IL6ST: variants seen among roughly 807,000 people sequenced by gnomAD.
IL6ST encodes interleukin 6 cytokine family signal transducer.
Under a neutral mutation model 91.3 loss-of-function variants are expected in IL6ST, and 24 were observed. That is an observed-to-expected ratio of 0.26 (90% CI 0.19 to 0.37). The LOEUF is 0.37. IL6ST is among the 10% of genes least tolerant of loss of function. The pLI is 1.00. For missense variants in IL6ST, 914 were observed against 1,078.5 expected, an observed-to-expected ratio of 0.85 and a Z score of 2.14; for synonymous variants, 351 against 373.6, an observed-to-expected ratio of 0.94 and a Z score of 0.70.
At chr5:55,954,104 G>A (rs1357799394) in intron 11 of IL6ST, among the ~76,000 whole-genome samples, 1 of 152,088 alleles carries the variant, frequency 6.6e-6, no homozygotes, top group Non-Finnish European at 1.5e-5. Flanking sequence ...TATTAAAACT[G>A]TACACTAATA....
chr5:55,965,321 C>T (rs756360133), intron 5 of IL6ST, among the ~76,000 whole-genome samples: 21 of 152,050 alleles, frequency 1.4e-4, no homozygotes, highest in Non-Finnish European at 2.1e-4. Context: ...TTGTTGTCAA[C>T]TATGTTTTTC....
chr5:55,957,425 C>CG, intron 8 of IL6ST, 134 bp from the exon 9 acceptor site: 1 of 477,074 alleles, frequency 2.1e-6, no homozygotes. Flanking sequence ...TTTATACCAG[C>CG]ATTTTCCCAA....
intron 13 of IL6ST, 90 bp downstream of exon 13, chr5:55,951,839 T>C (rs1751651782): frequency 4.7e-6 from 4 of 852,046 alleles, no homozygotes; most frequent in South Asian, 1.8e-5. Context: ...CAATATACTA[T>C]AAGATGTATA....
intron 14 of IL6ST, chr5:55,950,044 GA>G: frequency 3.6e-6 from 1 of 274,260 alleles, no homozygotes; most frequent in African/African-American, 2.2e-5. Context: ...TGCAGTTGAA[GA>G]AAATGATGAT....
chr5:55,991,199 T>C (rs1037583963), intron 1 of IL6ST, among the ~76,000 whole-genome samples: 3 of 152,220 alleles, frequency 2.0e-5, no homozygotes, highest in Admixed American at 6.5e-5. Context: ...GCAATAAACA[T>C]ACGTGTGCAT....
Position 55,940,178 on chromosome 5 carries a change from T to C in IL6ST, c.*904A>G, listed in dbSNP as rs11574783. On this transcript the variant is annotated 3_prime_UTR_variant, in exon 17 of 17. Transcript: ENST00000381298. ...ACACACATTAGCAATTTAAGCCTTTTAACATGCCAATTTTTTAGATGCTTT... is the reference window on the plus strand; with the variant it reads ...ACACACATTAGCAATTTAAGCCTTTCAACATGCCAATTTTTTAGATGCTTT... 0.08 allele frequency: 16,616 copies of C among 206,446 alleles called. 765 individuals are homozygous for C. The highest frequency in any genetic ancestry group is 0.13 in the African/African-American group (5,511 of 43,842). The allele number at this position is 206,446 out of a possible 1,614,324, so 12.8% of individuals were successfully genotyped here.
chr5:55,957,063 CAGG>C (rs1752026135), intron 9 of IL6ST, 143 bp downstream of exon 9: 1 of 436,806 alleles, frequency 2.3e-6, no homozygotes, highest in East Asian at 5.4e-5. Flanking sequence ...GAGGCTGAGG[CAGG>C]AGAATCACTT....
At chr5:55,970,903 AAAAAC>A (rs535760912) in intron 3 of IL6ST, among the ~76,000 whole-genome samples, 8 of 152,136 alleles carry the variant, frequency 5.3e-5, no homozygotes, top group Admixed American at 2.0e-4. Context: ...CAGAGTCTCA[AAAAAC>A]AAAACAAAAC....
intron 3 of IL6ST, among the ~76,000 whole-genome samples, chr5:55,973,438 TTC>T (rs1753080940): frequency 6.6e-6 from 1 of 152,204 alleles, no homozygotes; most frequent in South Asian, 2.1e-4. Context: ...TTAGCTTTCT[TTC>T]TCTCTCCCGG....
At position 55,940,084 on chromosome 5, in the gene IL6ST, C is replaced by T. The variant is rs1442392377; in HGVS notation, c.*998G>A. 5.1e-6 allele frequency: 1 copy of T among 196,848 alleles called. No homozygotes were observed. Among genetic ancestry groups the T allele is most frequent in the African/African-American group, 2.3e-5 (1 of 43,276 alleles). 12.2% of individuals were successfully genotyped at this position (196,848 alleles called of 1,614,324 possible). On this transcript the variant is annotated 3_prime_UTR_variant, in exon 17 of 17. Coordinates refer to ENST00000381298, the MANE Select transcript of IL6ST (RefSeq NM_002184.4). ...GAAGATATATACTGTATAAAGTGTT[C>T]ATCTACCCAGTACTCTGAAGTCTTA...
intron 16 of IL6ST, among the ~76,000 whole-genome samples, chr5:55,942,418 T>TAAAC (rs1467879457): frequency 6.6e-6 from 1 of 152,210 alleles, no homozygotes; most frequent in Non-Finnish European, 1.5e-5. Flanking sequence ...TAATGTGTAC[T>TAAAC]AAACAATTTA....
chr5:55,992,302 C>T (rs543523636), intron 1 of IL6ST, among the ~76,000 whole-genome samples: 1 of 152,278 alleles, frequency 6.6e-6, no homozygotes, highest in East Asian at 1.9e-4. Flanking sequence ...ATCTTATTTT[C>T]TATCTACTCG....
chr5:55,947,513 G>GAAC lies in IL6ST; in HGVS notation c.1914_1916dup (p.Leu638dup). 1 of 1,495,062 alleles carries GAAC rather than the reference G, an allele frequency of 6.7e-7. No individual in the cohort carries two copies. The highest frequency in any genetic ancestry group is 9.0e-7 in the Non-Finnish European group (1 of 1,113,016). 92.6% of individuals were successfully genotyped at this position (1,495,062 alleles called of 1,614,324 possible). A position where few individuals can be genotyped will look rare whatever the true frequency, so the allele number is the denominator to read the frequency against. On this transcript the variant is annotated inframe_insertion, in exon 15 of 17. Transcript: ENST00000381298. ...CTTACAGGTCTCGCTTATTAAAGCA[G>GAAC]AACAGCACTCCCAGAAGAGTTGTCA...
chr5:55,973,021 A>T (rs1229273373), intron 3 of IL6ST, among the ~76,000 whole-genome samples: 1 of 151,780 alleles, frequency 6.6e-6, no homozygotes, highest in Non-Finnish European at 1.5e-5. Flanking sequence ...AAAGAAAAAA[A>T]GCAAAAAAAA....
chr5:55,944,620 C>T (rs890854162), intron 15 of IL6ST: 4 of 674,300 alleles, frequency 5.9e-6, no homozygotes, highest in South Asian at 3.0e-5. Context: ...AGTTCTCTCT[C>T]GGCCTTAGCG....
chr5:55,950,945 C>A (rs908094508), intron 14 of IL6ST, among the ~76,000 whole-genome samples: 3 of 130,006 alleles, frequency 2.3e-5, no homozygotes, highest in Admixed American at 1.6e-4. Context: ...CAGAGTAAGA[C>A]CCTGCCTCCA....
At chr5:55,968,545 A>C in intron 4 of IL6ST, 149 bp from the exon 5 acceptor site, 1 of 653,718 alleles carries the variant, frequency 1.5e-6, no homozygotes, top group Non-Finnish European at 2.6e-6. Flanking sequence ...GGCTGATGAC[A>C]ATTTCTTTTC....
chr5:55,963,919 T>C (rs1752483314), intron 6 of IL6ST, among the ~76,000 whole-genome samples: 1 of 152,188 alleles, frequency 6.6e-6, no homozygotes, highest in Non-Finnish European at 1.5e-5. Context: ...TTTGATATTA[T>C]TGATAAAATG....
At chr5:55,978,941 CA>C (rs2111876224) in intron 2 of IL6ST, among the ~76,000 whole-genome samples, 1 of 152,216 alleles carries the variant, frequency 6.6e-6, no homozygotes, top group African/African-American at 2.4e-5. Context: ...AGAATGTTTA[CA>C]GAAGTTTTAT....
Sources: allele counts gnomAD v4.1 joint callset (sites outside exome capture counted in the v4.1 genomes callset), GRCh38; gene constraint gnomAD v4.1.1; transcripts MANE v1.5; gene names NCBI Gene and HGNC (gene_info 2026-07-23, HGNC 2026-07-21).